Variants in SYNE1 observed in about 807,000 individuals in gnomAD.
The protein encoded by SYNE1 is spectrin repeat containing nuclear envelope protein 1.
Under a neutral mutation model 1,111.0 loss-of-function variants are expected in SYNE1, and 616 were observed. The ratio of observed to expected loss-of-function variants is 0.55; its 90% CI spans 0.52 to 0.59. The LOEUF is 0.59. Among genes scored for constraint, SYNE1 ranks in the 20% least tolerant of loss-of-function variants. SYNE1 has a pLI of 0.00. For missense variants in SYNE1, 10,006 were observed against 10,417.0 expected, an observed-to-expected ratio of 0.96 and a Z score of 1.72; for synonymous variants, 3,855 against 3,825.8, an observed-to-expected ratio of 1.01 and a Z score of -0.28.
intron 20 of SYNE1, 106 bp downstream of exon 20, chr6:152,462,632 A>G: frequency 7.4e-7 from 1 of 1,351,228 alleles, no homozygotes; most frequent in Non-Finnish European, 1.1e-6. Flanking sequence ...TGTCAAAATG[A>G]TGCCCAGGAG....
intron 3 of SYNE1, among the ~76,000 whole-genome samples, chr6:152,571,565 T>A (rs2099458325): frequency 1.3e-5 from 2 of 152,134 alleles, no homozygotes; most frequent in African/African-American, 4.8e-5. Context: ...GTATACTTTT[T>A]ACCCTAAAAA....
In SYNE1 at chr6:152,330,347, A is replaced by C; in HGVS notation, c.14338T>G (p.Tyr4780Asp). 6.2e-7 allele frequency: 1 copy of C among 1,614,128 alleles called. No individual in the cohort carries two copies. The highest frequency in any genetic ancestry group is 8.5e-7 in the Non-Finnish European group (1 of 1,180,020). ...VSLLEDTTSA[Y>D]QEHEKMCQQL... Reference sequence around the variant, plus strand: ...TGGCACATCTTCTCGTGTTCTTGGTAAGCACTGGTGGTGTCTTCTAATAAG... The same window carrying C: ...TGGCACATCTTCTCGTGTTCTTGGTCAGCACTGGTGGTGTCTTCTAATAAG... Residue 4780 changes from tyrosine (Y) to aspartate (D), a missense_variant, in exon 78 of 146, where the codon TAC becomes GAC. This residue lies in a region of SYNE1 where 4,955 missense variants were observed against 5,017.2 expected (regional missense o/e 0.99). Coordinates refer to ENST00000367255, the MANE Select transcript of SYNE1 (RefSeq NM_182961.4).
At chr6:152,459,209 T>C (rs182849230) in intron 21 of SYNE1, among the ~76,000 whole-genome samples, 1 of 152,290 alleles carries the variant, frequency 6.6e-6, no homozygotes, top group African/African-American at 2.4e-5. Flanking sequence ...ATCTAAATGA[T>C]TGTTTTTAGT....
At position 152,236,376 on chromosome 6, in the gene SYNE1, G is replaced by T. The variant is rs1019812371; in HGVS notation, c.20200-73C>A. Reference sequence around the variant, plus strand: ...GTCTTTAAGAATTATAATTTCTCTGGTACCTACAATGTTCCCATTACCTGT... The same window carrying T: ...GTCTTTAAGAATTATAATTTCTCTGTTACCTACAATGTTCCCATTACCTGT... On this transcript the variant is annotated intron_variant, in intron 109 of 145. Coordinates refer to ENST00000367255, the MANE Select transcript of SYNE1 (RefSeq NM_182961.4). 17 of 1,098,832 alleles carry T rather than the reference G, an allele frequency of 1.5e-5. No individual in the cohort carries two copies. In the East Asian group the frequency reaches 1.8e-4, roughly 11 times the overall value. 68.1% of individuals were successfully genotyped at this position (1,098,832 alleles called of 1,614,324 possible). A position where few individuals can be genotyped will look rare whatever the true frequency, so the allele number is the denominator to read the frequency against.
At chr6:152,432,054 T>C (rs1003733434) in intron 34 of SYNE1, among the ~76,000 whole-genome samples, 2 of 152,160 alleles carry the variant, frequency 1.3e-5, no homozygotes, top group Non-Finnish European at 2.9e-5. Context: ...CAAATTCATA[T>C]ATACGAATCA....
At chr6:152,122,697 A>T in intron 145 of SYNE1, 21 bp from the exon 146 acceptor site, 1 of 1,613,486 alleles carries the variant, frequency 6.2e-7, no homozygotes, top group Non-Finnish European at 8.5e-7. Flanking sequence ...AATGGACATA[A>T]ATTACTCAGA....
At chr6:152,533,581 A>G (rs1178985005) in intron 4 of SYNE1, among the ~76,000 whole-genome samples, 1 of 151,938 alleles carries the variant, frequency 6.6e-6, no homozygotes, top group Non-Finnish European at 1.5e-5. Flanking sequence ...CATCACCTCT[A>G]CTGCTACTAT....
At chr6:152,372,672 C>A (rs1563471328) in intron 59 of SYNE1, among the ~76,000 whole-genome samples, 1 of 152,216 alleles carries the variant, frequency 6.6e-6, no homozygotes, top group African/African-American at 2.4e-5. Flanking sequence ...TCATCTGCAG[C>A]ATTTTGCAGC....
chr6:152,242,526 C>G (rs913695741), intron 106 of SYNE1, 86 bp from the exon 107 acceptor site: 4 of 1,469,008 alleles, frequency 2.7e-6, no homozygotes, highest in South Asian at 1.2e-5. Flanking sequence ...GCACCAAGCC[C>G]GAGACCCAAC....
At chr6:152,514,736 C>T (rs115081901) in intron 6 of SYNE1, among the ~76,000 whole-genome samples, 2,023 of 151,680 alleles carry the variant, frequency 0.013, 41 homozygotes, top group African/African-American at 0.046. Flanking sequence ...CATGCAAGGA[C>T]GCAAAGAGAA....
intron 69 of SYNE1, 143 bp from the exon 70 acceptor site, chr6:152,352,496 G>A: frequency 1.2e-6 from 1 of 824,502 alleles, no homozygotes; most frequent in South Asian, 1.7e-5. Context: ...TCCGCCTCCT[G>A]GGTTCCAGCG....
chr6:152,275,059 A>G (rs889118567), intron 98 of SYNE1, among the ~76,000 whole-genome samples: 5 of 152,094 alleles, frequency 3.3e-5, no homozygotes, highest in African/African-American at 1.2e-4. Flanking sequence ...GGCGTGTGCC[A>G]CCACGCCCGG....
chr6:152,554,818 A>G (rs1414280675), intron 3 of SYNE1, among the ~76,000 whole-genome samples: 1 of 152,240 alleles, frequency 6.6e-6, no homozygotes. Context: ...AATAAAAAAC[A>G]TGGATTGCCA....
At chr6:152,231,318 A>G (rs1440443140) in intron 114 of SYNE1, 73 bp downstream of exon 114, 1 of 1,544,588 alleles carries the variant, frequency 6.5e-7, no homozygotes, top group Admixed American at 1.7e-5. Flanking sequence ...TTGTGAACCC[A>G]GTCTTCCTTA....
At position 152,382,042 on chromosome 6, in the gene SYNE1, A is replaced by G. The variant is rs535362488; in HGVS notation, c.8653-680T>C. Among the ~76,000 whole-genome samples, 4 of 152,338 alleles carry G rather than the reference A, an allele frequency of 2.6e-5. No individual in the cohort carries two copies. The South Asian group carries it at 8.3e-4, about 32-fold the overall frequency. On this transcript the variant is annotated intron_variant, in intron 55 of 145. Transcript: ENST00000367255. ...AAATTTAACAGTTTAGCTATAGCCA[A>G]GTTAACAATTTAGCTCGATCTTAAA...
At chr6:152,472,268 A>G (rs536362962) in intron 15 of SYNE1, 33 bp downstream of exon 15, 1 of 1,566,182 alleles carries the variant, frequency 6.4e-7, no homozygotes, top group Non-Finnish European at 8.8e-7. Context: ...TGTTTTAAAA[A>G]GAGACTTCCT....
At chr6:152,311,078 TA>T (rs1197019123) in intron 87 of SYNE1, 2 of 624,444 alleles carry the variant, frequency 3.2e-6, no homozygotes, top group Middle Eastern at 8.7e-4. Context: ...TTAGGAACTG[TA>T]AACAATGTGC....
chr6:152,628,304 A>T lies in SYNE1; in HGVS notation c.28T>A (p.Cys10Ser). Reference sequence around the variant, plus strand: ...ATCACATTGGCGATATCCCGAGGACACCGGGAGGCCCCTCTGGAGGTTGCC... The same window carrying T: ...ATCACATTGGCGATATCCCGAGGACTCCGGGAGGCCCCTCTGGAGGTTGCC... Reference protein sequence around the residue: MATSRGASRCPRDIANVMQR... With the variant: MATSRGASRSPRDIANVMQR... Residue 10 changes from cysteine to serine, a missense_variant, in exon 3 of 146, where the codon TGT (cysteine) becomes AGT (serine). Cys to Ser is a moderately radical substitution (Grantham distance 112, BLOSUM62 -1). Transcript: ENST00000367255. 1 of 1,614,180 alleles carries T rather than the reference A, an allele frequency of 6.2e-7. No individual in the cohort carries two copies. The highest frequency in any genetic ancestry group is 1.1e-5 in the South Asian group (1 of 91,084).
At position 152,462,665 on chromosome 6, in the gene SYNE1, G is replaced by T. The variant is rs1440034053; in HGVS notation, c.2250+73C>A. ...GAGACACAGAAACAGCTTTTGCAATGATCTGAATAAACTTGCTGATCTTTC... is the reference window on the plus strand; with the variant it reads ...GAGACACAGAAACAGCTTTTGCAATTATCTGAATAAACTTGCTGATCTTTC... On this transcript the variant is annotated intron_variant, in intron 20 of 145. Transcript: ENST00000367255. 5 of 1,584,436 alleles carry T rather than the reference G, an allele frequency of 3.2e-6. No individual in the cohort carries two copies. In the East Asian group the frequency reaches 8.9e-5, roughly 28 times the overall value.
Sources: gnomAD v4.1 joint callset for allele counts (sites outside exome capture counted in the v4.1 genomes callset) on GRCh38, gnomAD v4.1.1 for gene constraint, gnomAD v4.1.1 regional missense constraint, MANE v1.5 for transcripts, NCBI Gene and HGNC (gene_info 2026-07-23, HGNC 2026-07-21) for gene names.